Variants in ANO10 observed in about 807,000 individuals in gnomAD.
ANO10 encodes the protein anoctamin 10.
A neutral mutation model predicts 74.7 loss-of-function variants in ANO10; 77 were observed. The ratio of observed to expected loss-of-function variants is 1.03; its 90% confidence interval spans 0.86 to 1.25. The LOEUF (loss-of-function observed/expected upper bound fraction) is 1.25. Ranked by LOEUF, ANO10 falls within the 50% of genes most tolerant of loss-of-function variation. The pLI is 0.00. For missense variants in ANO10, 721 were observed against 778.1 expected, an observed-to-expected ratio of 0.93 and a Z score of 0.87; for synonymous variants, 279 against 284.9, an observed-to-expected ratio of 0.98 and a Z score of 0.21.
At chr3:43,604,078 T>C (rs2082450300) in intron 2 of ANO10, among the ~76,000 whole-genome samples, 1 of 152,150 alleles carries the variant, frequency 6.6e-6, no homozygotes, top group Non-Finnish European at 1.5e-5. Flanking sequence ...TTCAAGGATC[T>C]ATTTATTTTT....
intron 4 of ANO10, among the ~76,000 whole-genome samples, chr3:43,596,634 T>C (rs2082099331): frequency 1.3e-5 from 2 of 152,110 alleles, no homozygotes; most frequent in South Asian, 2.1e-4. Context: ...AAAGACTTAA[T>C]GTCAGACCGA....
rs746826623 is a variant in ANO10, at chr3:43,619,868, CAA to C, written c.-12+2039_-12+2040del. On this transcript the variant is annotated intron_variant, in intron 1 of 12. Coordinates refer to ENST00000292246, the MANE Select transcript of ANO10 (RefSeq NM_018075.5). ...TTGGGCAACAGAGTGAGACCTTGTC[CAA>C]AAAAAAAAAAAAAAAAAATCCTCTT... Among the ~76,000 whole-genome samples, 629 of 79,892 alleles carry C rather than the reference CAA, an allele frequency of 7.9e-3. 4 individuals are homozygous for C. Among genetic ancestry groups the C allele is most frequent in the African/African-American group, 0.026 (565 of 21,702 alleles). 52.4% of individuals were successfully genotyped at this position (79,892 alleles called of 152,430 possible). A position where few individuals can be genotyped will look rare whatever the true frequency, so the allele number is the denominator to read the frequency against.
chr3:43,573,353 C>T (rs1031227706), intron 7 of ANO10, among the ~76,000 whole-genome samples: 3 of 152,130 alleles, frequency 2.0e-5, no homozygotes, highest in Non-Finnish European at 2.9e-5. Flanking sequence ...CTTTTCATTT[C>T]CTTACCTGTT....
chr3:43,483,700 G>A (rs928659118), intron 11 of ANO10, among the ~76,000 whole-genome samples: 1 of 152,164 alleles, frequency 6.6e-6, no homozygotes, highest in Non-Finnish European at 1.5e-5. Flanking sequence ...AGGTGGTTGG[G>A]TTAGTTTGGT....
intron 11 of ANO10, among the ~76,000 whole-genome samples, chr3:43,458,611 C>T (rs953418726): frequency 2.0e-5 from 3 of 152,172 alleles, no homozygotes; most frequent in African/African-American, 7.2e-5. Context: ...ATGCAGAGAG[C>T]TTTCAATCTC....
intron 2 of ANO10, among the ~76,000 whole-genome samples, chr3:43,602,337 TAATTA>T (rs1258459417): frequency 1.3e-5 from 2 of 152,148 alleles, no homozygotes; most frequent in South Asian, 2.1e-4. Flanking sequence ...TTTTATTAAT[TAATTA>T]ATTTATTTAT....
At chr3:43,620,966 T>C (rs576016323) in intron 1 of ANO10, among the ~76,000 whole-genome samples, 115 of 152,346 alleles carry the variant, frequency 7.5e-4, no homozygotes, top group Admixed American at 7.2e-4. Context: ...TCATGCAGAA[T>C]GGGCCCTTAG....
intron 3 of ANO10, 57 bp from the exon 4 acceptor site, chr3:43,598,723 A>G (rs1300890039): frequency 2.3e-6 from 3 of 1,316,490 alleles, no homozygotes; most frequent in Middle Eastern, 2.5e-4. Context: ...AAATATTCCA[A>G]TTACCTGAGA....
At chr3:43,470,714 C>A (rs1239610325) in intron 11 of ANO10, among the ~76,000 whole-genome samples, 1 of 151,850 alleles carries the variant, frequency 6.6e-6, no homozygotes, top group Non-Finnish European at 1.5e-5. Flanking sequence ...GTAGCCTCAA[C>A]CTCCCGGGCT....
Position 43,482,533 on chromosome 3 carries a change from G to A in ANO10, c.1798-49806C>T, listed in dbSNP as rs143489357. Among the ~76,000 whole-genome samples, 410 of 152,144 alleles carry A rather than the reference G, an allele frequency of 2.7e-3. 4 individuals carry two copies. Among genetic ancestry groups the A allele is most frequent in the South Asian group, 4.6e-3 (22 of 4,824 alleles). The stretch of plus-strand genomic sequence containing the variant: ...GCCCTTAGGAACTGCTCCCAACACA[G>A]TTATGCCCCCCAAAACACCATACCC... On this transcript the variant is annotated intron_variant, in intron 11 of 12. Coordinates refer to ENST00000292246, the MANE Select transcript of ANO10 (RefSeq NM_018075.5).
intron 12 of ANO10, among the ~76,000 whole-genome samples, chr3:43,379,435 A>C (rs1302857597): frequency 6.6e-6 from 1 of 150,778 alleles, no homozygotes; most frequent in African/African-American, 2.5e-5. Flanking sequence ...AGGCAAACAG[A>C]GCAGTGTGTG....
chr3:43,596,343 C>G (rs142343290), intron 4 of ANO10, among the ~76,000 whole-genome samples: 13 of 151,862 alleles, frequency 8.6e-5, no homozygotes, highest in African/African-American at 3.1e-4. Flanking sequence ...GGAGGCATCA[C>G]GCTACCTGAC....
At chr3:43,389,253 C>T (rs1420534843) in intron 12 of ANO10, among the ~76,000 whole-genome samples, 1 of 152,180 alleles carries the variant, frequency 6.6e-6, no homozygotes, top group East Asian at 1.9e-4. Flanking sequence ...ATTACTAGTG[C>T]TTTCTTATAT....
At chr3:43,577,371 A>C in intron 5 of ANO10, 110 bp from the exon 6 acceptor site, 1 of 1,060,854 alleles carries the variant, frequency 9.4e-7, no homozygotes, top group Non-Finnish European at 1.4e-6. Flanking sequence ...TTCAACCCTC[A>C]CTTCCCAAAC....
At chr3:43,594,629 T>G (rs2081983503) in intron 4 of ANO10, among the ~76,000 whole-genome samples, 1 of 152,176 alleles carries the variant, frequency 6.6e-6, no homozygotes, top group Non-Finnish European at 1.5e-5. Context: ...GAAGGAAATT[T>G]ATAGCACTAA....
At chr3:43,507,928 T>G (rs1404017234) in intron 11 of ANO10, among the ~76,000 whole-genome samples, 1 of 152,108 alleles carries the variant, frequency 6.6e-6, no homozygotes, top group African/African-American at 2.4e-5. Context: ...AAAGGAAATG[T>G]TCTAGGTGTT....
At chr3:43,422,847 G>C (rs1347801098) in intron 12 of ANO10, among the ~76,000 whole-genome samples, 2 of 152,198 alleles carry the variant, frequency 1.3e-5, no homozygotes, top group African/African-American at 4.8e-5. Context: ...ACAACGATCA[G>C]AAGAGCTGTA....
chr3:43,687,511 A>T (rs1011449623), intron 1 of ANO10, among the ~76,000 whole-genome samples: 3 of 151,916 alleles, frequency 2.0e-5, no homozygotes, highest in African/African-American at 7.3e-5. Context: ...TGTATGGCAC[A>T]CTTGGTCTTG....
chr3:43,533,604 T>C (rs932553598), intron 11 of ANO10, among the ~76,000 whole-genome samples: 12 of 152,344 alleles, frequency 7.9e-5, no homozygotes, highest in African/African-American at 2.6e-4. Context: ...CCAGTACCAG[T>C]ACTATCCTTG....
Sources: allele counts gnomAD v4.1 joint callset (sites outside exome capture counted in the v4.1 genomes callset), GRCh38; gene constraint gnomAD v4.1.1; transcripts MANE v1.5; gene names NCBI Gene and HGNC (gene_info 2026-07-23, HGNC 2026-07-21).